PDE1A: variants seen among roughly 807,000 people sequenced by gnomAD.
The protein encoded by PDE1A is dual specificity calcium/calmodulin-dependent 3',5'-cyclic nucleotide phosphodiesterase 1A.
A neutral mutation model predicts 61.7 loss-of-function variants in PDE1A; 35 were observed. The observed-to-expected ratio is 0.57, with a 90% CI of 0.43 to 0.75. The LOEUF is 0.75. Among genes scored for constraint, PDE1A ranks in the 30% least tolerant of loss-of-function variants. PDE1A has a pLI of 0.00. For synonymous variants in PDE1A, 232 were observed against 213.2 expected (o/e 1.09, Z -0.77); for missense variants, 597 against 630.6 (o/e 0.95, Z 0.57).
the PDE1A span, among the ~76,000 whole-genome samples, chr2:182,617,164 T>TGGGGGGTG: frequency 3.9e-5 from 6 of 151,998 alleles, no homozygotes; most frequent in African/African-American, 9.7e-5. Flanking sequence ...GATTTATGGT[T>TGGGGGGTG]GGGGCCTTGA....
At chr2:182,546,138 T>C in the PDE1A span, among the ~76,000 whole-genome samples, 1 of 152,268 alleles carries the variant, frequency 6.6e-6, no homozygotes, top group Non-Finnish European at 1.5e-5. Flanking sequence ...TTGGTAATCA[T>C]CTCTTGCCTG....
the PDE1A span, among the ~76,000 whole-genome samples, chr2:182,529,622 T>C: frequency 5.3e-5 from 8 of 152,192 alleles, no homozygotes; most frequent in Admixed American, 2.6e-4. Flanking sequence ...CGGAATGATA[T>C]GTGTGTCTCC....
At position 182,199,213 on chromosome 2, in the gene PDE1A, T is replaced by C. The variant is rs181056333; in HGVS notation, c.1125+2226A>G. Among the ~76,000 whole-genome samples the C allele has an allele frequency of 5.6e-3, 845 of 152,060 alleles. 8 individuals carry two copies. Among genetic ancestry groups the C allele is most frequent in the South Asian group, 0.041 (197 of 4,828 alleles). On this transcript the variant is annotated intron_variant, in intron 10 of 13. Coordinates refer to ENST00000351439, the Ensembl canonical transcript of PDE1A. ...ATTCTCTCTTTCATTTATAGTTTTT[T>C]CCTCTTTTTGATCCTGCAAGTAATT...
chr2:182,606,325 C>T, the PDE1A span, among the ~76,000 whole-genome samples: 1 of 152,168 alleles, frequency 6.6e-6, no homozygotes, highest in Non-Finnish European at 1.5e-5. Context: ...ATTACAGGCA[C>T]ATGCCACCAC....
At chr2:182,709,856 A>G in the PDE1A span, among the ~76,000 whole-genome samples, 1 of 152,186 alleles carries the variant, frequency 6.6e-6, no homozygotes, top group East Asian at 1.9e-4. Context: ...ATCATGACCA[A>G]TTTATCACCA....
intron 10 of PDE1A, among the ~76,000 whole-genome samples, chr2:182,197,345 G>T (rs1206944648): frequency 6.8e-6 from 1 of 146,376 alleles, no homozygotes; most frequent in African/African-American, 2.6e-5. Flanking sequence ...TTTTCTCTCA[G>T]TCTATGGTTT....
At chr2:182,174,697 T>A (rs990738499) in intron 13 of PDE1A, among the ~76,000 whole-genome samples, 2 of 152,092 alleles carry the variant, frequency 1.3e-5, no homozygotes. Context: ...TCCTACACGT[T>A]GCATAAAACA....
chr2:182,335,380 CA>C (rs1316189580), intron 1 of PDE1A, among the ~76,000 whole-genome samples: 1 of 152,142 alleles, frequency 6.6e-6, no homozygotes, highest in Non-Finnish European at 1.5e-5. Context: ...TACAAGGTTA[CA>C]GTAACCAAAA....
chr2:182,514,601 T>A (rs1690020381), intron 2 of PDE1A, among the ~76,000 whole-genome samples: 1 of 152,172 alleles, frequency 6.6e-6, no homozygotes, highest in African/African-American at 2.4e-5. Context: ...CATGCTGAGA[T>A]AACTGGCTAG....
chr2:182,238,105 A>G (rs1383031807), intron 3 of PDE1A, among the ~76,000 whole-genome samples: 2 of 151,800 alleles, frequency 1.3e-5, no homozygotes, highest in Non-Finnish European at 2.9e-5. Context: ...CGTCTCTACT[A>G]AAAATGCAAA....
At chr2:182,154,156 AAAAC>A (rs1366484854) in intron 13 of PDE1A, among the ~76,000 whole-genome samples, 3 of 152,192 alleles carry the variant, frequency 2.0e-5, no homozygotes, top group Non-Finnish European at 2.9e-5. Flanking sequence ...CTGGATTAAG[AAAAC>A]AAACAAACAA....
chr2:182,321,903 G>C (rs776001319), intron 1 of PDE1A, among the ~76,000 whole-genome samples: 19 of 152,058 alleles, frequency 1.2e-4, no homozygotes, highest in Non-Finnish European at 2.6e-4. Flanking sequence ...AAACCACCAG[G>C]CTAGATATTA....
the PDE1A span, among the ~76,000 whole-genome samples, chr2:182,592,622 C>T: frequency 6.6e-6 from 1 of 152,058 alleles, no homozygotes; most frequent in African/African-American, 2.4e-5. Flanking sequence ...GAGATGTTTT[C>T]TGCATACAAA....
At chr2:182,545,915 C>A in the PDE1A span, among the ~76,000 whole-genome samples, 1 of 152,126 alleles carries the variant, frequency 6.6e-6, no homozygotes, top group Non-Finnish European at 1.5e-5. Context: ...AGAGGCCAAA[C>A]CTGTTTAGTG....
At chr2:182,241,284 T>C (rs1470175048) in intron 2 of PDE1A, among the ~76,000 whole-genome samples, 1 of 152,216 alleles carries the variant, frequency 6.6e-6, no homozygotes, top group Non-Finnish European at 1.5e-5. Context: ...TGCCTGCCAT[T>C]TGACTTGGTT....
chr2:182,554,020 A>G, the PDE1A span, among the ~76,000 whole-genome samples: 2 of 152,190 alleles, frequency 1.3e-5, no homozygotes, highest in Non-Finnish European at 2.9e-5. Context: ...TTACGGGATC[A>G]GGTTTGTATT....
chr2:182,267,616 T>C (rs908062023), intron 1 of PDE1A, among the ~76,000 whole-genome samples: 13 of 152,122 alleles, frequency 8.5e-5, no homozygotes, highest in African/African-American at 3.1e-4. Context: ...ATTGTAAAAA[T>C]ATTATTTACA....
chr2:182,211,517 T>A (rs1292521272), intron 7 of PDE1A, among the ~76,000 whole-genome samples: 3 of 152,226 alleles, frequency 2.0e-5, no homozygotes, highest in African/African-American at 7.2e-5. Flanking sequence ...TGCCTCTCCA[T>A]ACAAACTTTA....
chr2:182,637,973 T>G, the PDE1A span, among the ~76,000 whole-genome samples: 1 of 151,922 alleles, frequency 6.6e-6, no homozygotes, highest in African/African-American at 2.4e-5. Flanking sequence ...CACGGAACTA[T>G]CACAGACGGG....
Sources: gnomAD v4.1 joint callset for allele counts (sites outside exome capture counted in the v4.1 genomes callset) on GRCh38, gnomAD v4.1.1 for gene constraint, MANE v1.5 for transcripts, NCBI Gene and HGNC (gene_info 2026-07-23, HGNC 2026-07-21) for gene names.